MALRD1: variants seen among roughly 807,000 people sequenced by gnomAD.
The protein encoded by MALRD1 is MAM and LDL receptor class A domain containing 1.
In MALRD1, 247 loss-of-function variants were observed where a neutral mutation model predicts 242.1. That is an observed-to-expected ratio of 1.02 (90% CI 0.92 to 1.13). The LOEUF (loss-of-function observed/expected upper bound fraction) is 1.13, where lower values mean the gene tolerates loss of function less well. MALRD1 is among the 50% of genes most tolerant of loss of function. The pLI, the probability that MALRD1 is intolerant of heterozygous loss-of-function variation, is 0.00. For synonymous variants in MALRD1, 995 were observed against 866.6 expected, an observed-to-expected ratio of 1.15 and a Z score of -2.60; for missense variants, 2,989 against 2,533.1, an observed-to-expected ratio of 1.18 and a Z score of -3.86.
chr10:19,588,115 C>G (rs117542829), intron 33 of MALRD1, among the ~76,000 whole-genome samples: 1 of 151,750 alleles, frequency 6.6e-6, no homozygotes, highest in African/African-American at 2.4e-5. Flanking sequence ...GAGTTCTTTA[C>G]TTAATTATAA....
chr10:19,099,238 T>TTTTTTTATA (rs1836160130), intron 4 of MALRD1, among the ~76,000 whole-genome samples: 1 of 152,186 alleles, frequency 6.6e-6, no homozygotes, highest in South Asian at 2.1e-4. Context: ...CTATTTGTTA[T>TTTTTTTATA]AAAAAGTAAT....
intron 28 of MALRD1, among the ~76,000 whole-genome samples, chr10:19,399,411 A>T (rs1454087224): frequency 6.6e-6 from 1 of 152,156 alleles, no homozygotes; most frequent in African/African-American, 2.4e-5. Context: ...TTAAGTTCTT[A>T]ATTAATTTTT....
At chr10:19,648,791 T>C (rs1216950680) in intron 36 of MALRD1, among the ~76,000 whole-genome samples, 1 of 152,196 alleles carries the variant, frequency 6.6e-6, no homozygotes, top group African/African-American at 2.4e-5. Context: ...GTTTGTTATA[T>C]AGGTAAATGT....
intron 28 of MALRD1, among the ~76,000 whole-genome samples, chr10:19,440,612 C>CGATA (rs1328682681): frequency 2.0e-5 from 3 of 151,998 alleles, no homozygotes; most frequent in Non-Finnish European, 4.4e-5. Flanking sequence ...TCTATTCTTG[C>CGATA]GATAGTTTTC....
chr10:19,484,375 T>C (rs1252155759), intron 29 of MALRD1, among the ~76,000 whole-genome samples: 1 of 152,242 alleles, frequency 6.6e-6, no homozygotes, highest in East Asian at 1.9e-4. Flanking sequence ...ACATATTTAC[T>C]TGTATGTGAA....
At chr10:19,510,227 G>A (rs745480493) in intron 31 of MALRD1, among the ~76,000 whole-genome samples, 1 of 152,180 alleles carries the variant, frequency 6.6e-6, no homozygotes, top group East Asian at 1.9e-4. Flanking sequence ...ATATACAATC[G>A]AGTTTTACAC....
intron 21 of MALRD1, among the ~76,000 whole-genome samples, chr10:19,295,416 A>C (rs1370488224): frequency 6.6e-6 from 1 of 151,686 alleles, no homozygotes; most frequent in Non-Finnish European, 1.5e-5. Flanking sequence ...TGTCTTTGGT[A>C]CTAATGAAGT....
In MALRD1 at chr10:19,504,664, ATTTTTTTT is replaced by A. The variant is rs759213931; in HGVS notation, c.5320+6040_5320+6047del. Among the ~76,000 whole-genome samples, 41 of 97,588 alleles carry A rather than the reference ATTTTTTTT, an allele frequency of 4.2e-4. No individual in the cohort carries two copies. The East Asian group carries it at 4.8e-3, about 11-fold the overall frequency. 64.0% of individuals were successfully genotyped at this position (97,588 alleles called of 152,430 possible). ...ACATATAATGACTATATTGTAACAC[ATTTTTTTT>A]TTTTTTTTTTTTTTTTTTTTTGAGA... On this transcript the variant is annotated intron_variant, in intron 31 of 39. Coordinates refer to ENST00000454679, the MANE Select transcript of MALRD1 (RefSeq NM_001142308.3).
chr10:19,307,607 C>T (rs987131548), intron 21 of MALRD1, among the ~76,000 whole-genome samples: 1 of 151,468 alleles, frequency 6.6e-6, no homozygotes, highest in African/African-American at 2.4e-5. Flanking sequence ...TTGCAAACTG[C>T]ATGGCATGGC....
intron 14 of MALRD1, among the ~76,000 whole-genome samples, chr10:19,188,725 T>C (rs1324537441): frequency 1.3e-5 from 2 of 152,142 alleles, no homozygotes; most frequent in African/African-American, 4.8e-5. Context: ...AACACCAAAG[T>C]CTAGAAGACA....
At chr10:19,493,673 T>G (rs7088619) in intron 30 of MALRD1, among the ~76,000 whole-genome samples, 91,615 of 149,754 alleles carry the variant, frequency 0.61, 28,770 homozygotes, top group African/African-American at 0.77. Flanking sequence ...AATTAGCCGT[T>G]CCTGGTGGTG....
At chr10:19,271,156 G>A (rs1840216601) in intron 19 of MALRD1, among the ~76,000 whole-genome samples, 2 of 152,110 alleles carry the variant, frequency 1.3e-5, no homozygotes, top group South Asian at 4.1e-4. Context: ...TGTACAAAAT[G>A]AGAAAACAAT....
chr10:19,087,823 T>A lies in MALRD1; in HGVS notation c.341-17T>A, dbSNP rs1835725818. 8.3e-7 allele frequency: 1 copy of A among 1,206,830 alleles called. No homozygotes were observed. The highest frequency in any genetic ancestry group is 4.2e-5 in the South Asian group (1 of 23,894). The allele number at this position is 1,206,830 out of a possible 1,614,324, so 74.8% of individuals were successfully genotyped here. On this transcript the variant is annotated splice_polypyrimidine_tract_variant and intron_variant, in intron 2 of 39. Coordinates refer to ENST00000454679, the MANE Select transcript of MALRD1 (RefSeq NM_001142308.3). ...CTTTCTGGTTTTTTTTTGTACCCTG[T>A]CTCTTCTTTCTGATAGCTCACTTCC...
chr10:19,597,715 G>A (rs74122016), intron 34 of MALRD1, among the ~76,000 whole-genome samples: 2,066 of 152,282 alleles, frequency 0.014, 35 homozygotes, highest in African/African-American at 0.047. Context: ...AAGGAGGCTA[G>A]TCAGTGAAAG....
In MALRD1 at chr10:19,378,296, C is replaced by T. The variant is rs749791037; in HGVS notation, c.4442-9232C>T. On this transcript the variant is annotated intron_variant, in intron 26 of 39. Coordinates refer to ENST00000454679, the MANE Select transcript of MALRD1 (RefSeq NM_001142308.3). ...ATTCTCCACTGTAATTTATCACATG[C>T]ACTTGTGATGATAATGATGAAATGA... Among the ~76,000 whole-genome samples, 31 of 152,232 alleles carry T rather than the reference C, an allele frequency of 2.0e-4. No homozygotes were observed. In the Middle Eastern group the frequency reaches 0.01, roughly 50 times the overall value.
rs1391259322 is a variant in MALRD1, at chr10:19,077,095, T to C, written c.340+10236T>C. ...TTTTTCTTGATTTTATTTTAGATTGTTCCTTGCCAGTGTATAGAAATGAAA... is the reference window on the plus strand; with the variant it reads ...TTTTTCTTGATTTTATTTTAGATTGCTCCTTGCCAGTGTATAGAAATGAAA... On this transcript the variant is annotated intron_variant, in intron 2 of 39. Transcript: ENST00000454679. 9.9e-5 allele frequency among the ~76,000 whole-genome samples: 15 copies of C among 152,078 alleles called. No homozygotes were observed. In the South Asian group the frequency reaches 2.5e-3, roughly 25 times the overall value.
At chr10:19,257,577 G>C in intron 18 of MALRD1, 107 bp from the exon 19 acceptor site, 2 of 859,982 alleles carry the variant, frequency 2.3e-6, no homozygotes, top group Non-Finnish European at 3.4e-6. Context: ...TGGCACAGAA[G>C]GTTATATTTG....
chr10:19,529,552 G>GT (rs1231572502), intron 31 of MALRD1, among the ~76,000 whole-genome samples: 1 of 143,802 alleles, frequency 7.0e-6, no homozygotes, highest in Non-Finnish European at 1.5e-5. Flanking sequence ...CAGGAGGGGG[G>GT]GGGAGAAAAC....
At chr10:19,199,513 G>A (rs1305109594) in intron 14 of MALRD1, among the ~76,000 whole-genome samples, 5 of 151,954 alleles carry the variant, frequency 3.3e-5, no homozygotes, top group African/African-American at 1.2e-4. Context: ...CTAAAATAAG[G>A]ACACGGGCCA....
Sources: allele counts gnomAD v4.1 joint callset (sites outside exome capture counted in the v4.1 genomes callset), GRCh38; gene constraint gnomAD v4.1.1; transcripts MANE v1.5; gene names NCBI Gene and HGNC (gene_info 2026-07-23, HGNC 2026-07-21).